The following SMC5 variants were observed in gnomAD, a reference collection of about 807,000 sequenced individuals.
The protein encoded by SMC5 is structural maintenance of chromosomes 5.
SMC5 carries 88 observed loss-of-function variants against 148.3 expected under a neutral mutation model. The ratio of observed to expected loss-of-function variants is 0.59; its 90% CI spans 0.50 to 0.71. The LOEUF is 0.71. Among genes scored for constraint, SMC5 ranks in the 30% least tolerant of loss-of-function variants. SMC5 has a pLI of 0.00. For synonymous variants in SMC5, 421 were observed against 432.8 expected (o/e 0.97, Z 0.34); for missense variants, 1,142 against 1,298.9 (o/e 0.88, Z 1.86).
At chr9:70,265,383 C>G (rs1438564282) in intron 2 of SMC5, among the ~76,000 whole-genome samples, 1 of 152,080 alleles carries the variant, frequency 6.6e-6, no homozygotes, top group Non-Finnish European at 1.5e-5. Flanking sequence ...TGCTTGAATC[C>G]AGGAGGCGGA....
chr9:70,294,066 A>G (rs1193626394), intron 8 of SMC5, among the ~76,000 whole-genome samples: 1 of 152,132 alleles, frequency 6.6e-6, no homozygotes, highest in Non-Finnish European at 1.5e-5. Flanking sequence ...CTTACATTCT[A>G]CAAAGCAAAG....
intron 1 of SMC5, among the ~76,000 whole-genome samples, chr9:70,262,689 C>G (rs907557557): frequency 3.9e-4 from 59 of 152,226 alleles, no homozygotes; most frequent in Non-Finnish European, 1.5e-5. Flanking sequence ...ATCTGGACTG[C>G]TTTCAGCATG....
chr9:70,284,603 G>C (rs1262481879), intron 7 of SMC5, among the ~76,000 whole-genome samples: 1 of 152,078 alleles, frequency 6.6e-6, no homozygotes, highest in Non-Finnish European at 1.5e-5. Context: ...TTAACCCTTT[G>C]TTTTGTCTAT....
At chr9:70,283,843 T>C (rs1260973358) in intron 7 of SMC5, among the ~76,000 whole-genome samples, 1 of 152,236 alleles carries the variant, frequency 6.6e-6, no homozygotes, top group Non-Finnish European at 1.5e-5. Context: ...TTAAAGATTG[T>C]GTTTTATTCT....
chr9:70,259,817 C>T (rs561002946), intron 1 of SMC5, among the ~76,000 whole-genome samples: 1 of 152,278 alleles, frequency 6.6e-6, no homozygotes, highest in African/African-American at 2.4e-5. Context: ...CAGTTTTCTT[C>T]CCTGGTTCCT....
intron 2 of SMC5, 62 bp downstream of exon 2, chr9:70,264,507 A>C: frequency 6.4e-7 from 1 of 1,551,196 alleles, no homozygotes; most frequent in Middle Eastern, 1.7e-4. Flanking sequence ...TAGTAACATC[A>C]ATTTCTACAC....
intron 7 of SMC5, among the ~76,000 whole-genome samples, chr9:70,285,358 T>C (rs868419945): frequency 6.6e-6 from 1 of 152,198 alleles, no homozygotes; most frequent in African/African-American, 2.4e-5. Context: ...CATCATCAAA[T>C]TATGACAACA....
At chr9:70,262,415 A>G (rs1353978190) in intron 1 of SMC5, among the ~76,000 whole-genome samples, 2 of 152,224 alleles carry the variant, frequency 1.3e-5, no homozygotes, top group Non-Finnish European at 2.9e-5. Context: ...CAATTCTACC[A>G]GCATCACTTG....
chr9:70,281,027 A>G lies in SMC5; in HGVS notation c.819+128A>G, dbSNP rs1004881780. 264 of 976,854 alleles carry G rather than the reference A, an allele frequency of 2.7e-4. 3 individuals carry two copies. The East Asian group carries it at 6.8e-3, about 25-fold the overall frequency. The allele number at this position is 976,854 out of a possible 1,614,324, so 60.5% of individuals were successfully genotyped here. ...TCATTTTTGGCTTTATATGTTATAC[A>G]TAATAAAATTCATGTCTTTTTTTTT... On this transcript the variant is annotated intron_variant, in intron 6 of 24. Transcript: ENST00000361138.
At chr9:70,267,898 T>C (rs754650006) in intron 2 of SMC5, 25 bp from the exon 3 acceptor site, 5 of 1,597,410 alleles carry the variant, frequency 3.1e-6, no homozygotes, top group African/African-American at 1.3e-5. Context: ...ACTACACAGC[T>C]CACTTTTTCT....
chr9:70,316,800 T>G (rs542506879), intron 13 of SMC5, among the ~76,000 whole-genome samples: 2 of 152,136 alleles, frequency 1.3e-5, no homozygotes, highest in Admixed American at 1.3e-4. Flanking sequence ...ACATTTTGTT[T>G]AAGTCACCTA....
In SMC5 at chr9:70,298,096, A is replaced by T. The variant is rs1280612437; in HGVS notation, c.1184A>T (p.Asn395Ile). 6.2e-7 allele frequency: 1 copy of T among 1,613,994 alleles called. No homozygotes were observed. Among genetic ancestry groups the T allele is most frequent in the Non-Finnish European group, 8.5e-7 (1 of 1,179,964 alleles). Residue 395 changes from asparagine (N) to isoleucine (I), a missense_variant, in exon 9 of 25, where the codon AAT becomes ATT. Coordinates refer to ENST00000361138, the MANE Select transcript of SMC5 (RefSeq NM_015110.4). ...CTAAAGACCACGGAAAACTGCGAGA[A>T]TCTTCAGCCCCAGATTGATGCCATT... Reference protein sequence around the residue: ...NELKTTENCENLQPQIDAITN... With the variant: ...NELKTTENCEILQPQIDAITN...
intron 3 of SMC5, among the ~76,000 whole-genome samples, chr9:70,270,942 C>T (rs980417744): frequency 6.6e-6 from 1 of 152,068 alleles, no homozygotes; most frequent in African/African-American, 2.4e-5. Flanking sequence ...CCACCATACC[C>T]GGCCTACATA....
intron 18 of SMC5, among the ~76,000 whole-genome samples, chr9:70,345,720 T>C (rs1026568230): frequency 5.9e-5 from 9 of 152,056 alleles, no homozygotes; most frequent in Admixed American, 5.9e-4. Flanking sequence ...GTTGTATTCT[T>C]TTGGGATGGA....
intron 1 of SMC5, among the ~76,000 whole-genome samples, chr9:70,263,952 A>G (rs2117953822): frequency 6.6e-6 from 1 of 152,356 alleles, no homozygotes; most frequent in Non-Finnish European, 1.5e-5. Context: ...GATTCAAGGT[A>G]AGCCGTGGCG....
intron 3 of SMC5, among the ~76,000 whole-genome samples, chr9:70,275,946 A>C (rs932668003): frequency 1.2e-4 from 18 of 152,276 alleles, no homozygotes; most frequent in Non-Finnish European, 1.9e-4. Context: ...TTGATTTATC[A>C]TTCTGCATTA....
At chr9:70,351,404 A>C (rs181176301) in intron 24 of SMC5, among the ~76,000 whole-genome samples, 109 of 152,134 alleles carry the variant, frequency 7.2e-4, no homozygotes, top group African/African-American at 2.5e-3. Flanking sequence ...AATTTTTATT[A>C]AATAGTGTCA....
intron 10 of SMC5, among the ~76,000 whole-genome samples, chr9:70,301,258 C>T (rs1476715393): frequency 3.3e-5 from 5 of 152,112 alleles, no homozygotes; most frequent in African/African-American, 4.8e-5. Flanking sequence ...CAGAATAATA[C>T]TTCAGAACTG....
Position 70,353,471 on chromosome 9 carries a change from TAGAC to T in SMC5, c.*1143_*1146del, listed in dbSNP as rs756835051. The T allele has an allele frequency of 2.6e-5, 4 of 152,256 alleles. No homozygotes were observed. The highest frequency in any genetic ancestry group is 5.9e-5 in the Non-Finnish European group (4 of 67,982). The allele number at this position is 152,256 out of a possible 1,614,324, so 9.4% of individuals were successfully genotyped here. On this transcript the variant is annotated 3_prime_UTR_variant, in exon 25 of 25. Coordinates refer to ENST00000361138, the MANE Select transcript of SMC5 (RefSeq NM_015110.4). ...TTAAAAAATAAATCTTATAGGAAAA[TAGAC>T]AGTCCAAAGTCATGTCTTTGAACAG...
Sources: gnomAD v4.1 joint callset for allele counts (sites outside exome capture counted in the v4.1 genomes callset) on GRCh38, gnomAD v4.1.1 for gene constraint, MANE v1.5 for transcripts, NCBI Gene and HGNC (gene_info 2026-07-23, HGNC 2026-07-21) for gene names.